PTPRT: variants seen among roughly 807,000 people sequenced by gnomAD.
PTPRT encodes receptor-type tyrosine-protein phosphatase T.
Under a neutral mutation model 176.8 loss-of-function variants are expected in PTPRT, and 56 were observed. That is an observed-to-expected ratio of 0.32 (90% confidence interval 0.26 to 0.40). PTPRT has a LOEUF of 0.40. PTPRT is among the 10% of genes least tolerant of loss of function. The probability of loss-of-function intolerance (pLI) is 1.00; values close to 1 mark genes in which losing one functional copy is unlikely to be tolerated. For synonymous variants in PTPRT, 783 were observed against 739.0 expected (o/e 1.06, Z -0.96); for missense variants, 1,540 against 1,908.2 (o/e 0.81, Z 3.60).
At chr20:42,510,559 C>T (rs2071936388) in intron 7 of PTPRT, among the ~76,000 whole-genome samples, 1 of 151,796 alleles carries the variant, frequency 6.6e-6, no homozygotes, top group African/African-American at 2.4e-5. Flanking sequence ...GAGCTCAGAC[C>T]CCAAGAGGAA....
Position 42,927,014 on chromosome 20 carries a change from T to C in PTPRT, c.89-41082A>G, listed in dbSNP as rs149416390. 4.8e-3 allele frequency among the ~76,000 whole-genome samples: 735 copies of C among 152,210 alleles called. 9 individuals carry two copies. The highest frequency in any genetic ancestry group is 0.016 in the African/African-American group (677 of 41,524). Reference sequence around the variant, plus strand: ...CACTCATTCAAGATCTCAGCAGCCATAGAAGCTAAAACAACATGGGTTGGG... The same window carrying C: ...CACTCATTCAAGATCTCAGCAGCCACAGAAGCTAAAACAACATGGGTTGGG... On this transcript the variant is annotated intron_variant, in intron 1 of 30. Transcript: ENST00000373187.
chr20:42,265,621 T>A (rs6513775), intron 13 of PTPRT, among the ~76,000 whole-genome samples: 50,924 of 151,828 alleles, frequency 0.34, 10,148 homozygotes, highest in Non-Finnish European at 0.45. Context: ...CATTTTCCCC[T>A]CATGGTGGCT....
chr20:42,634,368 G>T (rs2074547793), intron 7 of PTPRT, among the ~76,000 whole-genome samples: 1 of 150,458 alleles, frequency 6.6e-6, no homozygotes, highest in Admixed American at 6.8e-5. Context: ...GGCCTTGAAA[G>T]CTCCATGATA....
At chr20:42,702,164 C>T (rs1265474566) in intron 6 of PTPRT, among the ~76,000 whole-genome samples, 1 of 152,178 alleles carries the variant, frequency 6.6e-6, no homozygotes, top group Non-Finnish European at 1.5e-5. Flanking sequence ...TATCCTCCCA[C>T]CTCCTGTGGG....
rs1980008305 is a variant in PTPRT at position 42,933,725 on chromosome 20, G to T, written c.89-47793C>A. On this transcript the variant is annotated intron_variant, in intron 1 of 30. Transcript: ENST00000373187. ...GAGCCTCAGCAAGGTTCCTGTCAAA[G>T]CATCCCTCTTTTTGTTGATTTACTT... Among the ~76,000 whole-genome samples, 4 of 152,182 alleles carry T rather than the reference G, an allele frequency of 2.6e-5. No individual in the cohort carries two copies. In the South Asian group the frequency reaches 6.2e-4, roughly 24 times the overall value.
intron 7 of PTPRT, among the ~76,000 whole-genome samples, chr20:42,547,792 G>A (rs575265371): frequency 6.6e-6 from 1 of 152,062 alleles, no homozygotes; most frequent in East Asian, 1.9e-4. Flanking sequence ...ACATATAATT[G>A]TCATTATTTG....
intron 15 of PTPRT, among the ~76,000 whole-genome samples, chr20:42,234,849 C>A (rs2056208760): frequency 6.6e-6 from 1 of 152,214 alleles, no homozygotes. Context: ...GTCCTAAAGA[C>A]CTGTGGACCC....
chr20:42,204,340 T>C (rs958853870), intron 15 of PTPRT, among the ~76,000 whole-genome samples: 1 of 152,170 alleles, frequency 6.6e-6, no homozygotes, highest in Non-Finnish European at 1.5e-5. Context: ...ACTCATGGGA[T>C]GATCATATAA....
At chr20:42,594,811 T>A (rs2073642368) in intron 7 of PTPRT, among the ~76,000 whole-genome samples, 1 of 152,196 alleles carries the variant, frequency 6.6e-6, no homozygotes, top group Non-Finnish European at 1.5e-5. Context: ...GCTGACCTCC[T>A]CTGGCAGAAA....
intron 1 of PTPRT, among the ~76,000 whole-genome samples, chr20:43,141,151 AAAC>A (rs1359060888): frequency 1.3e-5 from 2 of 152,234 alleles, no homozygotes; most frequent in Admixed American, 6.5e-5. Flanking sequence ...GGCTAACAAA[AAAC>A]AAATCACTGG....
rs531066149 is a variant in PTPRT at position 42,131,925 on chromosome 20, G to A, written c.2771-3095C>T. ...AGATATCCTGAAAAAAGCAAGCACC[G>A]TGGGGGAGCTGCAAGGGTCTCCTGT... On this transcript the variant is annotated intron_variant, in intron 18 of 30. Coordinates refer to ENST00000373187, the MANE Select transcript of PTPRT (RefSeq NM_007050.6). 6.6e-5 allele frequency among the ~76,000 whole-genome samples: 10 copies of A among 152,250 alleles called. 1 individual carries two copies. The Middle Eastern group carries it at 0.014, about 207-fold the overall frequency.
intron 6 of PTPRT, among the ~76,000 whole-genome samples, chr20:42,678,603 C>T (rs1383745413): frequency 6.6e-6 from 1 of 152,214 alleles, no homozygotes. Context: ...CACGCCTGGC[C>T]TGAAAACCCT....
chr20:43,145,002 T>C (rs1030920648), intron 1 of PTPRT, among the ~76,000 whole-genome samples: 1 of 152,192 alleles, frequency 6.6e-6, no homozygotes, highest in Non-Finnish European at 1.5e-5. Flanking sequence ...TCCCACAACA[T>C]GCCATGCTGG....
At chr20:42,095,804 T>G (rs1985149419) in intron 27 of PTPRT, among the ~76,000 whole-genome samples, 2 of 152,222 alleles carry the variant, frequency 1.3e-5, no homozygotes, top group Admixed American at 1.3e-4. Flanking sequence ...TCCAAGCACC[T>G]AGAATAGCTT....
rs112285141 is a variant in PTPRT, at chr20:42,910,768, A to G, written c.89-24836T>C. The stretch of plus-strand genomic sequence containing the variant: ...AAATCTTCTTTGAAATGACTTTCAA[A>G]AGAACATTGTATTAGTCTGTTTTTA... On this transcript the variant is annotated intron_variant, in intron 1 of 30. Coordinates refer to ENST00000373187, the MANE Select transcript of PTPRT (RefSeq NM_007050.6). Among the ~76,000 whole-genome samples, 228 of 152,360 alleles carry G rather than the reference A, an allele frequency of 1.5e-3. 1 individual carries two copies. The highest frequency in any genetic ancestry group is 5.0e-3 in the African/African-American group (209 of 41,580).
intron 12 of PTPRT, among the ~76,000 whole-genome samples, chr20:42,291,197 T>G (rs989944793): frequency 2.0e-5 from 3 of 152,110 alleles, no homozygotes; most frequent in African/African-American, 7.2e-5. Flanking sequence ...GTCTACCTAA[T>G]TTTTGTTCAT....
chr20:42,729,323 A>C (rs1202827081), intron 6 of PTPRT, among the ~76,000 whole-genome samples: 4 of 152,192 alleles, frequency 2.6e-5, no homozygotes, highest in Non-Finnish European at 5.9e-5. Flanking sequence ...GGGGAGAAAA[A>C]AACAGAGGAA....
At chr20:42,201,471 A>G (rs1022637217) in intron 15 of PTPRT, among the ~76,000 whole-genome samples, 1 of 152,150 alleles carries the variant, frequency 6.6e-6, no homozygotes, top group Non-Finnish European at 1.5e-5. Flanking sequence ...GGCATACTCA[A>G]ATGAGGACAA....
intron 9 of PTPRT, among the ~76,000 whole-genome samples, chr20:42,401,018 G>C (rs543456713): frequency 6.6e-6 from 1 of 151,904 alleles, no homozygotes. Flanking sequence ...TTCTGGCTTG[G>C]GGGTGTTGGG....
Sources: allele counts gnomAD v4.1 joint callset (sites outside exome capture counted in the v4.1 genomes callset), GRCh38; gene constraint gnomAD v4.1.1; transcripts MANE v1.5; gene names NCBI Gene and HGNC (gene_info 2026-07-23, HGNC 2026-07-21).